GDNF: variants seen among roughly 807,000 people sequenced by gnomAD.
GDNF encodes glial cell derived neurotrophic factor, also known as glial cell line-derived neurotrophic factor.
GDNF carries 5 observed loss-of-function variants against 13.7 expected under a neutral mutation model. The observed-to-expected ratio is 0.36, with a 90% CI of 0.19 to 0.77. The LOEUF (loss-of-function observed/expected upper bound fraction) is 0.77. Ranked by LOEUF, GDNF falls within the 30% of genes least tolerant of loss-of-function variation. GDNF has a pLI of 0.51. For synonymous variants in GDNF, 122 were observed against 112.5 expected (o/e 1.08, Z -0.53); for missense variants, 246 against 274.3 (o/e 0.90, Z 0.73).
At chr5:37,825,872 T>G (rs1490701999) in intron 2 of GDNF, among the ~76,000 whole-genome samples, 1 of 152,208 alleles carries the variant, frequency 6.6e-6, no homozygotes, top group Non-Finnish European at 1.5e-5. Flanking sequence ...GTTTGGTAGA[T>G]TCTTGTGGTC....
At position 37,816,018 on chromosome 5, in the gene GDNF, T is replaced by C; in HGVS notation, c.269A>G (p.Glu90Gly). 1 of 1,613,864 alleles carries C rather than the reference T, an allele frequency of 6.2e-7. No homozygotes were observed. Among genetic ancestry groups the C allele is most frequent in the Non-Finnish European group, 8.5e-7 (1 of 1,179,762 alleles). The change falls in exon 3 of 3, where the codon GAG becomes GGG. Residue 90 changes from glutamate to glycine, a missense_variant. Coordinates refer to ENST00000326524, the MANE Select transcript of GDNF (RefSeq NM_000514.4). The stretch of plus-strand genomic sequence containing the variant: ...GGCAGCTGCAGCCTGCCGATTCCGC[T>C]CTCTTCTAGGAAGCACTGCCATTTG... ...DKQMAVLPRR[E>G]RNRQAAAANP...
rs1305030017 is a variant in GDNF at position 37,821,438 on chromosome 5, T to G, written c.152-5303A>C. 3.3e-5 allele frequency among the ~76,000 whole-genome samples: 5 copies of G among 152,246 alleles called. No individual in the cohort carries two copies. The East Asian group carries it at 5.8e-4, about 18-fold the overall frequency. Reference sequence around the variant, plus strand: ...ACTTGCAAACCACAAAAGAGGAGCATCATTAAAAAAATAATAGGTCATATC... The same window carrying G: ...ACTTGCAAACCACAAAAGAGGAGCAGCATTAAAAAAATAATAGGTCATATC... On this transcript the variant is annotated intron_variant, in intron 2 of 2. Coordinates refer to ENST00000326524, the MANE Select transcript of GDNF (RefSeq NM_000514.4).
intron 2 of GDNF, among the ~76,000 whole-genome samples, chr5:37,826,164 A>G (rs1228175459): frequency 1.3e-5 from 2 of 152,134 alleles, no homozygotes; most frequent in Non-Finnish European, 2.9e-5. Context: ...GTAAGCCTCA[A>G]TTTCCCCATC....
At position 37,834,779 on chromosome 5, in the gene GDNF, G is replaced by C; in HGVS notation, c.18C>G (p.Val6=). The C allele has an allele frequency of 6.2e-7, 1 of 1,613,280 alleles. No individual in the cohort carries two copies. The highest frequency in any genetic ancestry group is 2.2e-5 in the East Asian group (1 of 44,840). The change falls in exon 2 of 3, where the codon GTC becomes GTG. Residue 6 remains valine, a synonymous_variant. Coordinates refer to ENST00000326524, the MANE Select transcript of GDNF (RefSeq NM_000514.4). MKLWD[V]VAVCLVLLHT... ...GGAGCAGCACCAGGCAGACAGCCAC[G>C]ACATCCCATAACTTCATCTTAAAGT...
intron 1 of GDNF, among the ~76,000 whole-genome samples, chr5:37,836,905 A>G (rs1750727033): frequency 6.6e-6 from 1 of 152,190 alleles, no homozygotes; most frequent in Non-Finnish European, 1.5e-5. Flanking sequence ...GAAGCTGGCA[A>G]AAGACTACAC....
At chr5:37,817,888 A>G (rs1224529544) in intron 2 of GDNF, among the ~76,000 whole-genome samples, 2 of 152,162 alleles carry the variant, frequency 1.3e-5, no homozygotes, top group Non-Finnish European at 1.5e-5. Flanking sequence ...TAAACGCAGA[A>G]CATAACCTCC....
At chr5:37,816,461 T>C (rs1193615863) in intron 2 of GDNF, among the ~76,000 whole-genome samples, 2 of 152,228 alleles carry the variant, frequency 1.3e-5, no homozygotes, top group African/African-American at 2.4e-5. Context: ...GCCAATCTTC[T>C]AGGGGCATTT....
chr5:37,834,190 C>T (rs530385748), intron 2 of GDNF, among the ~76,000 whole-genome samples: 1 of 152,366 alleles, frequency 6.6e-6, no homozygotes, highest in East Asian at 1.9e-4. Flanking sequence ...GAAAAGCCGG[C>T]CTCTCGCCTT....
intron 1 of GDNF, 143 bp from the exon 2 acceptor site, chr5:37,834,965 C>G (rs1294348846): frequency 2.8e-6 from 2 of 715,196 alleles, no homozygotes; most frequent in Admixed American, 5.3e-5. Flanking sequence ...TCGGGCACTC[C>G]TGCCCTCCTT....
At chr5:37,821,675 C>T (rs554015625) in intron 2 of GDNF, among the ~76,000 whole-genome samples, 16 of 151,996 alleles carry the variant, frequency 1.1e-4, no homozygotes, top group Non-Finnish European at 2.2e-4. Context: ...AACCTTGTAC[C>T]GGGGCACAAC....
At chr5:37,835,829 G>C in intron 1 of GDNF, 1 of 670,958 alleles carries the variant, frequency 1.5e-6, no homozygotes, top group Non-Finnish European at 2.7e-6. Flanking sequence ...ACGCTTTGGA[G>C]GTGCTCTGGC....
Position 37,813,053 on chromosome 5 carries a change from A to G in GDNF, c.*2598T>C, listed in dbSNP as rs1749779789. The G allele has an allele frequency of 6.6e-6, 1 of 152,184 alleles. No homozygotes were observed. The highest frequency in any genetic ancestry group is 2.1e-4 in the South Asian group (1 of 4,826). 9.4% of individuals were successfully genotyped at this position (152,184 alleles called of 1,614,324 possible). On this transcript the variant is annotated 3_prime_UTR_variant, in exon 3 of 3. Transcript: ENST00000326524. ...TGGGAACAGTGGCCATCGCACTGCC[A>G]AGGTTCTCTGAATGGGACAGATGCC...
At chr5:37,821,435 G>A (rs936997507) in intron 2 of GDNF, among the ~76,000 whole-genome samples, 1 of 152,058 alleles carries the variant, frequency 6.6e-6, no homozygotes, top group Non-Finnish European at 1.5e-5. Flanking sequence ...CAAAAGAGGA[G>A]CATCATTAAA....
intron 2 of GDNF, among the ~76,000 whole-genome samples, chr5:37,826,078 C>T (rs1750304319): frequency 6.6e-6 from 1 of 152,100 alleles, no homozygotes; most frequent in Non-Finnish European, 1.5e-5. Flanking sequence ...AGGAAGTGAT[C>T]TTGTGCAGTA....
At chr5:37,828,173 G>T (rs1750395038) in intron 2 of GDNF, among the ~76,000 whole-genome samples, 1 of 152,146 alleles carries the variant, frequency 6.6e-6, no homozygotes, top group Non-Finnish European at 1.5e-5. Context: ...CCATCCCCTC[G>T]CTGGGCAGAA....
intron 2 of GDNF, among the ~76,000 whole-genome samples, chr5:37,830,301 G>A (rs1003614310): frequency 3.3e-5 from 5 of 152,116 alleles, no homozygotes; most frequent in Non-Finnish European, 5.9e-5. Context: ...ACCCTGCCTT[G>A]GTTCCCTCCT....
intron 2 of GDNF, among the ~76,000 whole-genome samples, chr5:37,828,292 C>T: frequency 6.6e-6 from 1 of 152,172 alleles, no homozygotes; most frequent in East Asian, 1.9e-4. Flanking sequence ...GGAGCCTTCT[C>T]TCATTGCAAA....
Position 37,833,233 on chromosome 5 carries a change from G to A in GDNF, c.151+1413C>T, listed in dbSNP as rs1750581176. ...TGTTCCTGTCCCTCTTGTCTAGACC[G>A]TTTGAGTGAATGAATAGCCAGTTTT... On this transcript the variant is annotated intron_variant, in intron 2 of 2. Coordinates refer to ENST00000326524, the MANE Select transcript of GDNF (RefSeq NM_000514.4). Among the ~76,000 whole-genome samples, 4 of 152,276 alleles carry A rather than the reference G, an allele frequency of 2.6e-5. 1 individual carries two copies. Among genetic ancestry groups the A allele is most frequent in the South Asian group, 4.2e-4 (2 of 4,814 alleles).
At position 37,838,566 on chromosome 5, in the gene GDNF, C is replaced by T. The variant is rs941915685; in HGVS notation, c.-27+941G>A. Among the ~76,000 whole-genome samples, 1 of 152,318 alleles carries T rather than the reference C, an allele frequency of 6.6e-6. No homozygotes were observed. Among genetic ancestry groups the T allele is most frequent in the African/African-American group, 2.4e-5 (1 of 41,580 alleles). ...CTGGGATGGGTAAGCCCCCCGGGGGCGCGCACATGGGTCCTGGCGGCGGAT... is the reference window on the plus strand; with the variant it reads ...CTGGGATGGGTAAGCCCCCCGGGGGTGCGCACATGGGTCCTGGCGGCGGAT... On this transcript the variant is annotated intron_variant, in intron 1 of 2. Transcript: ENST00000326524. This position sits in a 1 kb window ranked among gnomAD's most constrained non-coding sequence, Gnocchi z 4.1.
Sources: gnomAD v4.1 joint callset for allele counts (sites outside exome capture counted in the v4.1 genomes callset) on GRCh38, gnomAD v4.1.1 for gene constraint, Gnocchi (gnomAD v3.1) non-coding constraint, MANE v1.5 for transcripts, NCBI Gene and HGNC (gene_info 2026-07-23, HGNC 2026-07-21) for gene names.